APC2: variants seen among roughly 807,000 people sequenced by gnomAD.
The protein encoded by APC2 is APC regulator of Wnt signaling pathway 2, also known as adenomatous polyposis coli protein 2.
In APC2, 41 loss-of-function variants were observed where a neutral mutation model predicts 72.5. The ratio of observed to expected loss-of-function variants is 0.57; its 90% CI spans 0.44 to 0.73. APC2 has a LOEUF of 0.73. APC2 is among the 30% of genes least tolerant of loss of function. The pLI is 0.00. For missense variants in APC2, 3,729 were observed against 3,403.4 expected, an observed-to-expected ratio of 1.10 and a Z score of -2.38; for synonymous variants, 1,898 against 1,612.0, an observed-to-expected ratio of 1.18 and a Z score of -4.25.
rs536714321 is a variant in APC2 at position 1,465,365 on chromosome 19, C to A, written c.2064C>A (p.Ala688=). ...ACAAGATGATCGCCATGGGCAGCGC[C>A]GCCGCCCTGCGCAACCTGCTGGCCC... The part of the protein sequence containing the change: ...SKHKMIAMGS[A]AALRNLLAHR... Residue 688 remains alanine, a synonymous_variant, in exon 15 of 15, where the codon GCC becomes GCA. Transcript: ENST00000590469. 6 of 1,581,810 alleles carry A rather than the reference C, an allele frequency of 3.8e-6. No homozygotes were observed. The East Asian group carries it at 1.1e-4, about 30-fold the overall frequency.
At position 1,454,563 on chromosome 19, in the gene APC2, C is replaced by CTTTTCTTTTTTTTTTTT. The variant is rs1569140915; in HGVS notation, c.414-582_414-581insCTTTTTTTTTTTTTTTT. On this transcript the variant is annotated intron_variant, in intron 4 of 14. Coordinates refer to ENST00000590469, the MANE Select transcript of APC2 (RefSeq NM_005883.3). ...CATCATGCCTGGCTAATCTTTTGTACTTTTTTTTTTTTTTTTTTGAGACGG... is the reference window on the plus strand; with the variant it reads ...CATCATGCCTGGCTAATCTTTTGTACTTTTCTTTTTTTTTTTTTTTTTTTTTTTTTTTTTTGAGACGG... Among the ~76,000 whole-genome samples, 365 of 116,056 alleles carry CTTTTCTTTTTTTTTTTT rather than the reference C, an allele frequency of 3.1e-3. 5 individuals are homozygous for CTTTTCTTTTTTTTTTTT. Among genetic ancestry groups the CTTTTCTTTTTTTTTTTT allele is most frequent in the Non-Finnish European group, 4.7e-3 (281 of 59,392 alleles). The allele number at this position is 116,056 out of a possible 152,430, so 76.1% of individuals were successfully genotyped here. A position where few individuals can be genotyped will look rare whatever the true frequency, so the allele number is the denominator to read the frequency against.
At chr19:1,455,346 G>C in intron 5 of APC2, 38 bp from the exon 6 acceptor site, 1 of 1,599,330 alleles carries the variant, frequency 6.3e-7, no homozygotes, top group East Asian at 2.3e-5. Flanking sequence ...CCTGGCCCGG[G>C]CGCCCCTCAC....
In APC2 at chr19:1,455,154, T is replaced by C. The variant is rs143295265; in HGVS notation, c.419T>C (p.Phe140Ser). 2.7e-3 allele frequency: 4,318 copies of C among 1,574,352 alleles called. 9 individuals carry two copies. Among genetic ancestry groups the C allele is most frequent in the Non-Finnish European group, 3.4e-3 (3,995 of 1,168,844 alleles). Reference protein sequence around the residue: ...LLEELDRERCFLLNEIEKEEK... With the variant: ...LLEELDRERCSLLNEIEKEEK... ...CCCGCTGACTTGCTCCCCAGGTGTT[T>C]CCTGCTGAATGAGATTGAGAAGGAG... The change falls in exon 5 of 15, where the codon TTC becomes TCC. Residue 140 changes from phenylalanine to serine, a missense_variant. Coordinates refer to ENST00000590469, the MANE Select transcript of APC2 (RefSeq NM_005883.3).
rs1327788101 is a variant in APC2 at position 1,468,112 on chromosome 19, C to T, written c.4811C>T (p.Pro1604Leu). The change falls in exon 15 of 15, where the codon CCC becomes CTC. Residue 1604 changes from proline to leucine, a missense_variant. Pro to Leu is a moderately conservative substitution (Grantham distance 98). Transcript: ENST00000590469. Reference sequence around the variant, plus strand: ...GCCGTCCATCCACGAGGCCGGGAGCCCGCGGTCACCAAGGACCCGGGCCCA... The same window carrying T: ...GCCGTCCATCCACGAGGCCGGGAGCTCGCGGTCACCAAGGACCCGGGCCCA... Reference protein sequence around the residue: ...PPAVHPRGREPAVTKDPGPGG... With the variant: ...PPAVHPRGRELAVTKDPGPGG... The T allele has an allele frequency of 6.6e-7, 1 of 1,520,958 alleles. No homozygotes were observed. The highest frequency in any genetic ancestry group is 8.8e-7 in the Non-Finnish European group (1 of 1,142,130). The allele number at this position is 1,520,958 out of a possible 1,614,324, so 94.2% of individuals were successfully genotyped here.
intron 6 of APC2, among the ~76,000 whole-genome samples, 191 bp from the exon 7 acceptor site, chr19:1,455,885 C>T (rs1043179709): frequency 7.3e-5 from 5 of 68,218 alleles, no homozygotes; most frequent in Middle Eastern, 7.5e-3. Context: ...GGGGTCATAT[C>T]TTAGGAGGCG....
chr19:1,465,450 A>G lies in APC2; in HGVS notation c.2149A>G (p.Ser717Gly). 2 of 1,536,894 alleles carry G rather than the reference A, an allele frequency of 1.3e-6. No homozygotes were observed. The highest frequency in any genetic ancestry group is 1.7e-6 in the Non-Finnish European group (2 of 1,147,440). Residue 717 changes from serine (S) to glycine (G), a missense_variant, in exon 15 of 15, where the codon AGC (serine) becomes GGC (glycine). By Grantham distance (56) the Ser-to-Gly change is moderately conservative (BLOSUM62 0). Coordinates refer to ENST00000590469, the MANE Select transcript of APC2 (RefSeq NM_005883.3). ...CGTGTCCCCAGGCAGCTGCGTGCCC[A>G]GCCTGTACGTGCGCAAGCAGCGGGC... ...TAVSPGSCVP[S>G]LYVRKQRALE...
In APC2 at chr19:1,465,964, G is replaced by A. The variant is rs779789101; in HGVS notation, c.2663G>A (p.Arg888His). 3.8e-6 allele frequency: 6 copies of A among 1,570,548 alleles called. No homozygotes were observed. The African/African-American group carries it at 4.2e-5, about 11-fold the overall frequency. Residue 888 changes from arginine (R) to histidine (H), a missense_variant, in exon 15 of 15, where the codon CGC (arginine) becomes CAC (histidine). Transcript: ENST00000590469. ...GGACAGGAGGCGCCACGGGAGGGCCGCGCCCAGTCCTGCTCGCCATGCCGC... is the reference window on the plus strand; with the variant it reads ...GGACAGGAGGCGCCACGGGAGGGCCACGCCCAGTCCTGCTCGCCATGCCGC... ...DPGQEAPREG[R>H]AQSCSPCRGP...
rs1200060782 is a variant in APC2, at chr19:1,467,351, C to G, written c.4050C>G (p.Ala1350=). 2.1e-6 allele frequency: 3 copies of G among 1,457,250 alleles called. No homozygotes were observed. Among genetic ancestry groups the G allele is most frequent in the Non-Finnish European group, 2.7e-6 (3 of 1,108,830 alleles). The allele number at this position is 1,457,250 out of a possible 1,614,324, so 90.3% of individuals were successfully genotyped here. A position where few individuals can be genotyped will look rare whatever the true frequency, so the allele number is the denominator to read the frequency against. The change falls in exon 15 of 15, where the codon GCC becomes GCG. Residue 1350 remains alanine, a synonymous_variant. Transcript: ENST00000590469. ...TGCTGCGGGAGTGCCTGGGAGCCGC[C>G]GTGCCTGCCCGGCTGCGCAAGGTGG... is the stretch of plus-strand genomic sequence containing the variant. ...LELLRECLGA[A]VPARLRKVAS...
At chr19:1,465,093 C>A (rs867033369) in intron 14 of APC2, 62 bp from the exon 15 acceptor site, 2 of 1,537,940 alleles carry the variant, frequency 1.3e-6, no homozygotes, top group South Asian at 1.2e-5. Flanking sequence ...CTGGCCCCCC[C>A]ATCCTTCGGT....
chr19:1,469,540 G>A lies in APC2; in HGVS notation c.6239G>A (p.Ser2080Asn). The A allele has an allele frequency of 8.3e-7, 1 of 1,207,894 alleles. No homozygotes were observed. Among genetic ancestry groups the A allele is most frequent in the Non-Finnish European group, 1.0e-6 (1 of 958,898 alleles). 74.8% of individuals were successfully genotyped at this position (1,207,894 alleles called of 1,614,324 possible). The change falls in exon 15 of 15, where the codon AGC (serine) becomes AAC (asparagine). Residue 2080 changes from serine (S) to asparagine (N), a missense_variant. Transcript: ENST00000590469. ...CCTGCCCGGCGCACCACCTCCGAGA[G>A]CCCGTCCCGCCTGCCTGTGCGCGCG... ...ERPARRTTSESPSRLPVRAPA... is the reference protein window; with the variant it reads ...ERPARRTTSENPSRLPVRAPA...
In APC2 at chr19:1,455,459, G is replaced by A. The variant is rs1041822776; in HGVS notation, c.598G>A (p.Glu200Lys). 1.2e-6 allele frequency: 2 copies of A among 1,605,560 alleles called. No individual in the cohort carries two copies. The highest frequency in any genetic ancestry group is 1.7e-6 in the Non-Finnish European group (2 of 1,176,616). ...CCAGCACATCCGCTCGCTGATGGAG[G>A]AGCGCTTCGGCACCTCGGACGAGAT... ...EAQHIRSLMEERFGTSDEMVQ... is the reference protein window; with the variant it reads ...EAQHIRSLMEKRFGTSDEMVQ... Residue 200 changes from glutamate to lysine, a missense_variant, in exon 6 of 15, where the codon GAG (glutamate) becomes AAG (lysine). Physicochemically the swap from Glu to Lys is moderately conservative, Grantham distance 56 (BLOSUM62 1). Transcript: ENST00000590469.
chr19:1,468,322 G>T lies in APC2; in HGVS notation c.5021G>T (p.Gly1674Val). 6.4e-7 allele frequency: 1 copy of T among 1,552,104 alleles called. No homozygotes were observed. The highest frequency in any genetic ancestry group is 8.7e-7 in the Non-Finnish European group (1 of 1,149,464). The stretch of plus-strand genomic sequence containing the variant: ...CGGGAACGCGGCGAGGAGGCAGCGG[G>T]CTCGGACCGGGCCTCCGACCTGGAT... ...GSRERGEEAA[G>V]SDRASDLDSV... The change falls in exon 15 of 15, where the codon GGC (glycine) becomes GTC (valine). Residue 1674 changes from glycine (G) to valine (V), a missense_variant. By Grantham distance (109) the Gly-to-Val change is moderately radical. Coordinates refer to ENST00000590469, the MANE Select transcript of APC2 (RefSeq NM_005883.3).
Position 1,467,047 on chromosome 19 carries a change from G to C in APC2, c.3746G>C (p.Arg1249Pro). Reference protein sequence around the residue: ...RFLDIADCRERCRLPSELDAG... With the variant: ...RFLDIADCREPCRLPSELDAG... ...CTGGACATCGCCGACTGCCGGGAGC[G>C]CTGCCGGCTGCCATCTGAGCTGGAC... Residue 1249 changes from arginine to proline, a missense_variant, in exon 15 of 15, where the codon CGC (arginine) becomes CCC (proline). Arg to Pro is a moderately radical substitution (Grantham distance 103). Transcript: ENST00000590469. 1 of 1,611,570 alleles carries C rather than the reference G, an allele frequency of 6.2e-7. No individual in the cohort carries two copies.
At chr19:1,459,298 G>C in intron 10 of APC2, among the ~76,000 whole-genome samples, 1 of 152,052 alleles carries the variant, frequency 6.6e-6, no homozygotes, top group African/African-American at 2.4e-5. Flanking sequence ...TCTGCCTCCC[G>C]GGTTTAAGCG....
chr19:1,448,159 C>G (rs1312326121), upstream of APC2, among the ~76,000 whole-genome samples: 1 of 152,130 alleles, frequency 6.6e-6, no homozygotes, highest in African/African-American at 2.4e-5. Flanking sequence ...CTTGACCTGT[C>G]AAACCCCACC....
rs759652503 is a variant in APC2, at chr19:1,465,765, A to G, written c.2464A>G (p.Thr822Ala). Residue 822 changes from threonine to alanine, a missense_variant, in exon 15 of 15, where the codon ACC (threonine) becomes GCC (alanine). Coordinates refer to ENST00000590469, the MANE Select transcript of APC2 (RefSeq NM_005883.3). ...QGQALARTPP[T>A]RRGGKEAEKD... is the part of the protein sequence containing the mutation. ...GCAGGCGCTGGCTCGCACCCCGCCC[A>G]CCCGCCGAGGCGGCAAGGAGGCAGA... 1.3e-6 allele frequency: 2 copies of G among 1,526,468 alleles called. No homozygotes were observed. The highest frequency in any genetic ancestry group is 1.8e-6 in the Non-Finnish European group (2 of 1,140,268). The allele number at this position is 1,526,468 out of a possible 1,614,324, so 94.6% of individuals were successfully genotyped here. A position where few individuals can be genotyped will look rare whatever the true frequency, so the allele number is the denominator to read the frequency against.
intron 9 of APC2, chr19:1,457,649 G>C (rs1331222301): frequency 1.9e-6 from 1 of 517,524 alleles, no homozygotes; most frequent in African/African-American, 1.9e-5. Context: ...AGTGAGCTGA[G>C]ATCATGCTAC....
At chr19:1,462,790 G>GT (rs2083948663) in intron 14 of APC2, among the ~76,000 whole-genome samples, 1 of 150,392 alleles carries the variant, frequency 6.6e-6, no homozygotes, top group East Asian at 2.0e-4. Flanking sequence ...CTAACACGGT[G>GT]AAACCCCCAT....
At chr19:1,458,370 C>A in intron 10 of APC2, 1 of 388,718 alleles carries the variant, frequency 2.6e-6, no homozygotes, top group South Asian at 3.6e-5. Context: ...AGAAGACAGG[C>A]CCAGAATTGG....
Sources: gnomAD v4.1 joint callset for allele counts (sites outside exome capture counted in the v4.1 genomes callset) on GRCh38, gnomAD v4.1.1 for gene constraint, MANE v1.5 for transcripts, NCBI Gene and HGNC (gene_info 2026-07-23, HGNC 2026-07-21) for gene names.